PRKCA: variants seen among roughly 807,000 people sequenced by gnomAD.
The protein encoded by PRKCA is protein kinase C alpha type.
Under a neutral mutation model 87.0 loss-of-function variants are expected in PRKCA, and 27 were observed. That is an observed-to-expected ratio of 0.31 (90% CI 0.23 to 0.43). PRKCA has a LOEUF of 0.43. Among genes scored for constraint, PRKCA ranks in the 20% least tolerant of loss-of-function variants. PRKCA has a pLI of 1.00. For synonymous variants in PRKCA, 329 were observed against 311.1 expected (o/e 1.06, Z -0.61); for missense variants, 518 against 852.3 (o/e 0.61, Z 4.88).
At chr17:66,558,228 G>A (rs79486604) in intron 3 of PRKCA, among the ~76,000 whole-genome samples, 3,039 of 152,360 alleles carry the variant, frequency 0.02, 45 homozygotes, top group Non-Finnish European at 0.031. Flanking sequence ...TAGGTACTGT[G>A]CAGACACCGA....
chr17:66,312,170 C>T (rs1037565118), intron 2 of PRKCA, among the ~76,000 whole-genome samples: 4 of 152,050 alleles, frequency 2.6e-5, no homozygotes, highest in South Asian at 2.1e-4. Flanking sequence ...TTAGTAGAGA[C>T]GGAGTTTCAC....
chr17:66,450,459 C>T (rs971091707), intron 2 of PRKCA, among the ~76,000 whole-genome samples: 5 of 152,138 alleles, frequency 3.3e-5, no homozygotes, highest in East Asian at 1.9e-4. Flanking sequence ...TACCTGAAGA[C>T]GGCCATGTCC....
chr17:66,359,799 T>C (rs1908274493), intron 2 of PRKCA, among the ~76,000 whole-genome samples: 1 of 152,198 alleles, frequency 6.6e-6, no homozygotes, highest in South Asian at 2.1e-4. Flanking sequence ...ATTATAGAAA[T>C]ATTTATAGTA....
chr17:66,439,694 G>C (rs1913619029), intron 2 of PRKCA, among the ~76,000 whole-genome samples: 1 of 152,154 alleles, frequency 6.6e-6, no homozygotes, highest in Non-Finnish European at 1.5e-5. Flanking sequence ...AGGGTGCCTG[G>C]GGTCTCTGCT....
chr17:66,425,687 T>C (rs1194802576), intron 2 of PRKCA, among the ~76,000 whole-genome samples: 1 of 152,186 alleles, frequency 6.6e-6, no homozygotes, highest in Non-Finnish European at 1.5e-5. Context: ...TAGAAAAGAA[T>C]GTGTTGTGTC....
intron 3 of PRKCA, among the ~76,000 whole-genome samples, chr17:66,500,640 A>G (rs1567861053): frequency 6.6e-6 from 1 of 152,182 alleles, no homozygotes; most frequent in Non-Finnish European, 1.5e-5. Flanking sequence ...TTTCAAGGCA[A>G]TTGGCCATGA....
chr17:66,529,928 C>T (rs1397985591), intron 3 of PRKCA, among the ~76,000 whole-genome samples: 1 of 152,160 alleles, frequency 6.6e-6, no homozygotes, highest in Non-Finnish European at 1.5e-5. Flanking sequence ...TTTCCTTCCT[C>T]CTCCTTGGTT....
chr17:66,413,683 G>A (rs1235982172), intron 2 of PRKCA, among the ~76,000 whole-genome samples: 2 of 152,120 alleles, frequency 1.3e-5, no homozygotes, highest in Non-Finnish European at 2.9e-5. Context: ...AAATTACAGA[G>A]CTCTTATGAG....
At chr17:66,343,699 A>G (rs1162387532) in intron 2 of PRKCA, among the ~76,000 whole-genome samples, 1 of 152,060 alleles carries the variant, frequency 6.6e-6, no homozygotes, top group Non-Finnish European at 1.5e-5. Flanking sequence ...TTAGTGGAAG[A>G]TTAGATATAA....
chr17:66,687,288 C>T, intron 6 of PRKCA, 21 bp downstream of exon 6: 1 of 1,608,306 alleles, frequency 6.2e-7, no homozygotes, highest in African/African-American at 1.3e-5. Context: ...TCTCCTTGAT[C>T]AAATTTCATT....
At chr17:66,660,263 G>T (rs1251077126) in intron 5 of PRKCA, among the ~76,000 whole-genome samples, 1 of 152,162 alleles carries the variant, frequency 6.6e-6, no homozygotes, top group Non-Finnish European at 1.5e-5. Context: ...TCCGTTTGGT[G>T]GGGGTCCAGT....
chr17:66,330,497 A>G (rs1415313610), intron 2 of PRKCA, among the ~76,000 whole-genome samples: 1 of 152,150 alleles, frequency 6.6e-6, no homozygotes, highest in Non-Finnish European at 1.5e-5. Flanking sequence ...ATATTTATCT[A>G]TATCTGTAAA....
chr17:66,433,206 T>C (rs1913187331), intron 2 of PRKCA, among the ~76,000 whole-genome samples: 1 of 152,074 alleles, frequency 6.6e-6, no homozygotes, highest in Non-Finnish European at 1.5e-5. Flanking sequence ...TATACCTCAG[T>C]GTATGTGTTC....
At chr17:66,323,988 C>A (rs1012820882) in intron 2 of PRKCA, among the ~76,000 whole-genome samples, 2 of 152,118 alleles carry the variant, frequency 1.3e-5, no homozygotes, top group Non-Finnish European at 2.9e-5. Flanking sequence ...CTTGTCTAAA[C>A]TTCACCCACA....
intron 3 of PRKCA, among the ~76,000 whole-genome samples, chr17:66,502,286 G>C (rs890639490): frequency 7.9e-5 from 12 of 151,456 alleles, no homozygotes; most frequent in Admixed American, 7.2e-4. Flanking sequence ...CCAGGCTGGA[G>C]TGCAGTGGCG....
intron 2 of PRKCA, among the ~76,000 whole-genome samples, chr17:66,324,109 A>C (rs1317808860): frequency 6.6e-6 from 1 of 152,094 alleles, no homozygotes; most frequent in East Asian, 1.9e-4. Flanking sequence ...CAAAGAAAGC[A>C]GGAGGTGAAT....
chr17:66,495,928 A>G (rs990242301), intron 2 of PRKCA, among the ~76,000 whole-genome samples: 1 of 152,126 alleles, frequency 6.6e-6, no homozygotes, highest in African/African-American at 2.4e-5. Context: ...AAACTGTCTT[A>G]CAATCTGATT....
intron 2 of PRKCA, among the ~76,000 whole-genome samples, chr17:66,378,121 G>A (rs1389528949): frequency 2.0e-5 from 3 of 151,910 alleles, no homozygotes; most frequent in African/African-American, 4.8e-5. Context: ...TGAGGAGTTC[G>A]AGACCAGCCT....
rs1400512695 is a variant in PRKCA at position 66,444,169 on chromosome 17, A to G, written c.206-52032A>G. On this transcript the variant is annotated intron_variant, in intron 2 of 16. Transcript: ENST00000413366. ...ATTCAAAGGCGCGAGATGTCATACCATCCAAGTTATCAGGAATGTGTTTGC... is the reference window on the plus strand; with the variant it reads ...ATTCAAAGGCGCGAGATGTCATACCGTCCAAGTTATCAGGAATGTGTTTGC... 3.9e-5 allele frequency among the ~76,000 whole-genome samples: 6 copies of G among 152,180 alleles called. No individual in the cohort carries two copies. The South Asian group carries it at 1.2e-3, about 32-fold the overall frequency.
Sources: gnomAD v4.1 joint callset for allele counts (sites outside exome capture counted in the v4.1 genomes callset) on GRCh38, gnomAD v4.1.1 for gene constraint, MANE v1.5 for transcripts, NCBI Gene and HGNC (gene_info 2026-07-23, HGNC 2026-07-21) for gene names.